The following PXK variants were observed in gnomAD, a reference collection of about 807,000 sequenced individuals.
The protein encoded by PXK is PX domain-containing protein kinase-like protein.
In PXK, 35 loss-of-function variants were observed where a neutral mutation model predicts 84.7. The observed-to-expected ratio is 0.41, with a 90% CI of 0.32 to 0.55. The LOEUF is 0.55. PXK is among the 20% of genes least tolerant of loss of function. The pLI is 0.21. For synonymous variants in PXK, 253 were observed against 260.8 expected, an observed-to-expected ratio of 0.97 and a Z score of 0.29; for missense variants, 634 against 699.7, an observed-to-expected ratio of 0.91 and a Z score of 1.06.
intron 1 of PXK, among the ~76,000 whole-genome samples, chr3:58,346,968 A>C (rs1337971106): frequency 6.6e-6 from 1 of 152,118 alleles, no homozygotes; most frequent in Non-Finnish European, 1.5e-5. Flanking sequence ...TCTCCTGAGT[A>C]GCTGGGACTA....
At chr3:58,373,176 C>T (rs1052617697) in intron 3 of PXK, among the ~76,000 whole-genome samples, 2 of 150,688 alleles carry the variant, frequency 1.3e-5, no homozygotes. Context: ...CTCCCAGGTT[C>T]ACGCCATTCT....
chr3:58,356,513 C>A (rs964760782), intron 1 of PXK, among the ~76,000 whole-genome samples: 2 of 152,120 alleles, frequency 1.3e-5, no homozygotes, highest in Non-Finnish European at 2.9e-5. Flanking sequence ...GGCCTGACTT[C>A]AAATGTCGAG....
intron 3 of PXK, among the ~76,000 whole-genome samples, chr3:58,371,184 A>G (rs1344235137): frequency 6.6e-6 from 1 of 152,140 alleles, no homozygotes; most frequent in Non-Finnish European, 1.5e-5. Context: ...TTTGTGTTTT[A>G]ATTTTAGTAT....
At chr3:58,395,486 G>A (rs1419269037) in intron 8 of PXK, among the ~76,000 whole-genome samples, 172 bp from the exon 9 acceptor site, 1 of 152,170 alleles carries the variant, frequency 6.6e-6, no homozygotes, top group Non-Finnish European at 1.5e-5. Context: ...TGGAACCTGG[G>A]TCAGCCTCTT....
intron 1 of PXK, among the ~76,000 whole-genome samples, chr3:58,345,298 C>T (rs573501216): frequency 6.6e-6 from 1 of 152,236 alleles, no homozygotes; most frequent in Non-Finnish European, 1.5e-5. Flanking sequence ...TTCTAACTTG[C>T]AAACTCCTTT....
rs1416550842 is a variant in PXK at position 58,379,920 on chromosome 3, G to A, written c.202-2594G>A. On this transcript the variant is annotated intron_variant, in intron 3 of 17. Coordinates refer to ENST00000356151, the MANE Select transcript of PXK (RefSeq NM_017771.5). The surrounding 1 kb of genome is among the most constrained non-coding windows in gnomAD (Gnocchi z 5.1). ...TTAGGAGGTCGAGGCTACAGTGAGC[G>A]GTGATCATGCCACTGCACTTTAGCC... Among the ~76,000 whole-genome samples, 5 of 151,882 alleles carry A rather than the reference G, an allele frequency of 3.3e-5. No homozygotes were observed. Among genetic ancestry groups the A allele is most frequent in the Admixed American group, 6.6e-5 (1 of 15,228 alleles).
chr3:58,343,357 G>T (rs2097768301), intron 1 of PXK, among the ~76,000 whole-genome samples: 1 of 152,238 alleles, frequency 6.6e-6, no homozygotes, highest in Non-Finnish European at 1.5e-5. Flanking sequence ...GTCCGTGAGA[G>T]CACAGGGAAT....
At chr3:58,419,588 G>C (rs911687504) in intron 17 of PXK, among the ~76,000 whole-genome samples, 1 of 152,224 alleles carries the variant, frequency 6.6e-6, no homozygotes, top group African/African-American at 2.4e-5. Context: ...TACACAGAAA[G>C]GTGGAGGGAG....
intron 17 of PXK, among the ~76,000 whole-genome samples, chr3:58,417,910 C>T (rs779605238): frequency 7.9e-5 from 12 of 152,204 alleles, no homozygotes; most frequent in Non-Finnish European, 1.5e-4. Flanking sequence ...GGTGCAATCA[C>T]GGCTCACTGC....
chr3:58,419,059 C>T (rs1342992239), intron 17 of PXK, among the ~76,000 whole-genome samples: 1 of 152,196 alleles, frequency 6.6e-6, no homozygotes, highest in East Asian at 1.9e-4. Flanking sequence ...AAAGTATGGA[C>T]AGCTGTGTGG....
intron 1 of PXK, among the ~76,000 whole-genome samples, chr3:58,362,837 C>G (rs2098211234): frequency 6.6e-6 from 1 of 152,170 alleles, no homozygotes; most frequent in South Asian, 2.1e-4. Flanking sequence ...CCTCAGCTTC[C>G]TGAGTAGCTG....
At chr3:58,336,208 G>C (rs961174569) in intron 1 of PXK, among the ~76,000 whole-genome samples, 5 of 151,136 alleles carry the variant, frequency 3.3e-5, no homozygotes, top group African/African-American at 1.2e-4. Context: ...ACTGCACCCA[G>C]CTGGGAAACC....
rs957871637 is a variant in PXK at position 58,370,819 on chromosome 3, C to T, written c.201+1341C>T. ...TTCAAGACCAGCCTGGCTAACATGG[C>T]GAAACCCTGTCTCTACTAAAAATAC... On this transcript the variant is annotated intron_variant, in intron 3 of 17. Transcript: ENST00000356151. The surrounding 1 kb of genome is among the most constrained non-coding windows in gnomAD (Gnocchi z 4.2). 3.9e-5 allele frequency among the ~76,000 whole-genome samples: 6 copies of T among 151,966 alleles called. No individual in the cohort carries two copies. The highest frequency in any genetic ancestry group is 2.1e-4 in the South Asian group (1 of 4,816).
intron 1 of PXK, among the ~76,000 whole-genome samples, chr3:58,347,154 A>C (rs1436116526): frequency 6.6e-6 from 1 of 151,884 alleles, no homozygotes; most frequent in Admixed American, 6.6e-5. Context: ...TTCATTTTTT[A>C]TAAAGACGAG....
At chr3:58,340,260 C>T (rs2097706991) in intron 1 of PXK, among the ~76,000 whole-genome samples, 1 of 151,598 alleles carries the variant, frequency 6.6e-6, no homozygotes. Flanking sequence ...GTAGCTGGAA[C>T]TACAGACACG....
At position 58,365,880 on chromosome 3, in the gene PXK, A is replaced by G. The variant is rs2098262549; in HGVS notation, c.109A>G (p.Ile37Val). The G allele has an allele frequency of 1.3e-6, 2 of 1,574,032 alleles. No individual in the cohort carries two copies. Among genetic ancestry groups the G allele is most frequent in the African/African-American group, 1.4e-5 (1 of 71,952 alleles). ...SQSLQSHTEYIIRVQRGISVE... is the reference protein window; with the variant it reads ...SQSLQSHTEYVIRVQRGISVE... Reference sequence around the variant, plus strand: ...CTTCCCTTCTCTTTTTAAGGAATATATTATTCGAGTGCAAAGAGGAATTTC... The same window carrying G: ...CTTCCCTTCTCTTTTTAAGGAATATGTTATTCGAGTGCAAAGAGGAATTTC... Residue 37 changes from isoleucine to valine, a missense_variant, in exon 2 of 18, where the codon ATT becomes GTT. Physicochemically the swap from Ile to Val is conservative, Grantham distance 29. Transcript: ENST00000356151.
rs556431382 is a variant in PXK at position 58,359,361 on chromosome 3, C to G, written c.103-6513C>G. On this transcript the variant is annotated intron_variant, in intron 1 of 17. Coordinates refer to ENST00000356151, the MANE Select transcript of PXK (RefSeq NM_017771.5). ...CCTGACCAACATGGTGAAACCCCCT[C>G]TCTACTGAAAATACAAAAATTAGCC... Among the ~76,000 whole-genome samples the G allele has an allele frequency of 2.6e-5, 4 of 152,000 alleles. No individual in the cohort carries two copies. The East Asian group carries it at 5.8e-4, about 22-fold the overall frequency.
intron 3 of PXK, among the ~76,000 whole-genome samples, chr3:58,374,760 G>A (rs1379322191): frequency 6.6e-6 from 1 of 152,108 alleles, no homozygotes; most frequent in Non-Finnish European, 1.5e-5. Context: ...TCTGTAATTG[G>A]TAAGCAGTTT....
At chr3:58,403,039 C>T (rs1012680852) in intron 12 of PXK, among the ~76,000 whole-genome samples, 7 of 148,048 alleles carry the variant, frequency 4.7e-5, no homozygotes, top group African/African-American at 1.3e-4. Context: ...GAGTCTTGCT[C>T]TGTTGCCCAG....
Sources: allele counts gnomAD v4.1 joint callset (sites outside exome capture counted in the v4.1 genomes callset), GRCh38; gene constraint gnomAD v4.1.1; non-coding constraint Gnocchi (gnomAD v3.1); transcripts MANE v1.5; gene names NCBI Gene and HGNC (gene_info 2026-07-23, HGNC 2026-07-21).